The following ARHGEF3 variants were observed in gnomAD, a reference collection of about 807,000 sequenced individuals.
The protein encoded by ARHGEF3 is Rho guanine nucleotide exchange factor 3.
In ARHGEF3, 28 loss-of-function variants were observed where a neutral mutation model predicts 63.2. The ratio of observed to expected loss-of-function variants is 0.44; its 90% CI spans 0.33 to 0.61. The LOEUF is 0.61. Ranked by LOEUF, ARHGEF3 falls within the 20% of genes least tolerant of loss-of-function variation. ARHGEF3 has a pLI of 0.03. For missense variants in ARHGEF3, 533 were observed against 659.3 expected (o/e 0.81, Z 2.10); for synonymous variants, 266 against 254.2 (o/e 1.05, Z -0.44).
chr3:56,809,052 T>C (rs565549265), intron 4 of ARHGEF3, among the ~76,000 whole-genome samples: 1 of 152,322 alleles, frequency 6.6e-6, no homozygotes, highest in African/African-American at 2.4e-5. Flanking sequence ...CATTGATTAG[T>C]ATCAAATATC....
intron 2 of ARHGEF3, among the ~76,000 whole-genome samples, chr3:56,760,556 C>T (rs754633513): frequency 3.3e-5 from 5 of 152,142 alleles, no homozygotes; most frequent in Admixed American, 1.3e-4. Flanking sequence ...TTTGCCTACA[C>T]GTAGCACTTC....
chr3:56,801,699 C>A lies in ARHGEF3; in HGVS notation c.96+4G>T. ...AGAGGTCCAGGTGCAGGGCGCGGCCCTACCTCAGCGTCCTTGGCCGGACCG... is the reference window on the plus strand; with the variant it reads ...AGAGGTCCAGGTGCAGGGCGCGGCCATACCTCAGCGTCCTTGGCCGGACCG... On this transcript the variant is annotated splice_donor_region_variant and intron_variant, in intron 1 of 9. Coordinates refer to ENST00000296315, the MANE Select transcript of ARHGEF3 (RefSeq NM_019555.3). 6.4e-7 allele frequency: 1 copy of A among 1,556,022 alleles called. No homozygotes were observed. The highest frequency in any genetic ancestry group is 1.4e-5 in the African/African-American group (1 of 73,652).
chr3:57,053,798 G>A (rs1467690984), intron 1 of ARHGEF3, among the ~76,000 whole-genome samples: 9 of 152,206 alleles, frequency 5.9e-5, no homozygotes, highest in Non-Finnish European at 1.0e-4. Context: ...TCATCACTGT[G>A]TTAGAAGTTT....
At chr3:57,036,644 A>G (rs1353634637) in intron 1 of ARHGEF3, among the ~76,000 whole-genome samples, 3 of 152,172 alleles carry the variant, frequency 2.0e-5, no homozygotes, top group African/African-American at 7.2e-5. Context: ...TCTAGTGTCA[A>G]CCAAAGAAAC....
chr3:56,813,521 T>G (rs1258970438), intron 4 of ARHGEF3, among the ~76,000 whole-genome samples: 1 of 152,170 alleles, frequency 6.6e-6, no homozygotes, highest in Admixed American at 6.5e-5. Context: ...AAACTACAAC[T>G]CTTCATTTGG....
chr3:56,799,181 A>T (rs1441127379), intron 1 of ARHGEF3, among the ~76,000 whole-genome samples: 1 of 152,214 alleles, frequency 6.6e-6, no homozygotes, highest in Non-Finnish European at 1.5e-5. Flanking sequence ...TACTCAGTGT[A>T]CGGTATCAAA....
intron 3 of ARHGEF3, among the ~76,000 whole-genome samples, chr3:56,901,711 G>A (rs2041516378): frequency 6.6e-6 from 1 of 151,654 alleles, no homozygotes; most frequent in South Asian, 2.1e-4. Context: ...AGCCTCTCGA[G>A]TAGCTGGGAC....
At chr3:56,938,776 A>G (rs1051099539) in intron 3 of ARHGEF3, 1 of 152,234 alleles carries the variant, frequency 6.6e-6, no homozygotes, top group Non-Finnish European at 1.5e-5. Flanking sequence ...TCTCTTTGAT[A>G]AAGCTAGTGT....
intron 3 of ARHGEF3, among the ~76,000 whole-genome samples, chr3:56,924,053 ACTTTGC>A (rs1036993592): frequency 2.0e-4 from 30 of 152,320 alleles, no homozygotes; most frequent in African/African-American, 6.3e-4. Context: ...TAAACAATAA[ACTTTGC>A]AACAAAATCA....
At chr3:57,048,159 C>T (rs1249294603) in intron 1 of ARHGEF3, among the ~76,000 whole-genome samples, 1 of 152,186 alleles carries the variant, frequency 6.6e-6, no homozygotes, top group Non-Finnish European at 1.5e-5. Context: ...TAACTCCATA[C>T]ACCAAGATCT....
At chr3:56,908,704 A>ATAT (rs1410485962) in intron 3 of ARHGEF3, among the ~76,000 whole-genome samples, 1 of 152,090 alleles carries the variant, frequency 6.6e-6, no homozygotes, top group African/African-American at 2.4e-5. Flanking sequence ...TATAATCATA[A>ATAT]TATTATTATT....
At chr3:56,866,779 T>C (rs1490300116) in intron 4 of ARHGEF3, among the ~76,000 whole-genome samples, 5 of 152,218 alleles carry the variant, frequency 3.3e-5, no homozygotes, top group South Asian at 2.1e-4. Context: ...AGGCATAGTG[T>C]TGTGCACTCA....
chr3:56,956,279 T>C (rs1389305211), intron 3 of ARHGEF3, among the ~76,000 whole-genome samples: 1 of 152,088 alleles, frequency 6.6e-6, no homozygotes, highest in Non-Finnish European at 1.5e-5. Context: ...TTAAATTTTA[T>C]TTATTTATTG....
chr3:57,057,704 C>T (rs1705005356), intron 1 of ARHGEF3, among the ~76,000 whole-genome samples: 2 of 152,168 alleles, frequency 1.3e-5, no homozygotes, highest in Admixed American at 6.5e-5. Flanking sequence ...ACACATCATA[C>T]AATTTGAGTG....
At chr3:56,920,911 C>T (rs1207732499) in intron 3 of ARHGEF3, among the ~76,000 whole-genome samples, 1 of 151,848 alleles carries the variant, frequency 6.6e-6, no homozygotes, top group Non-Finnish European at 1.5e-5. Context: ...AAAAATTAGC[C>T]AGGCGTGGTG....
chr3:56,881,680 T>C (rs752327061), intron 4 of ARHGEF3, among the ~76,000 whole-genome samples: 10 of 152,226 alleles, frequency 6.6e-5, no homozygotes, highest in Admixed American at 1.3e-4. Context: ...ATTTGGTGGG[T>C]GCCCAGTATG....
chr3:56,789,764 A>G (rs539741163), intron 1 of ARHGEF3, among the ~76,000 whole-genome samples: 1 of 152,318 alleles, frequency 6.6e-6, no homozygotes, highest in African/African-American at 2.4e-5. Flanking sequence ...GTAAAAATAA[A>G]CTCTATCACT....
chr3:56,937,766 A>C (rs1398444533), intron 3 of ARHGEF3, among the ~76,000 whole-genome samples: 1 of 152,216 alleles, frequency 6.6e-6, no homozygotes, highest in East Asian at 1.9e-4. Flanking sequence ...TCACTCCAAT[A>C]GGATAGACAG....
intron 3 of ARHGEF3, among the ~76,000 whole-genome samples, chr3:56,938,249 G>A (rs1699000350): frequency 6.6e-6 from 1 of 152,114 alleles, no homozygotes; most frequent in African/African-American, 2.4e-5. Flanking sequence ...ACTGACAAAT[G>A]CAGGAGGCCC....
Sources: allele counts gnomAD v4.1 joint callset (sites outside exome capture counted in the v4.1 genomes callset), GRCh38; gene constraint gnomAD v4.1.1; transcripts MANE v1.5; gene names NCBI Gene and HGNC (gene_info 2026-07-23, HGNC 2026-07-21).